Variants in CIITA observed in about 807,000 individuals in gnomAD.
The protein encoded by CIITA is MHC class II transactivator.
CIITA carries 72 observed loss-of-function variants against 115.1 expected under a neutral mutation model. That is an observed-to-expected ratio of 0.63 (90% CI 0.52 to 0.76). CIITA has a LOEUF of 0.76. CIITA is among the 30% of genes least tolerant of loss of function. The pLI, the probability that CIITA is intolerant of heterozygous loss-of-function variation, is 0.00. For missense variants in CIITA, 1,617 were observed against 1,463.8 expected, an observed-to-expected ratio of 1.10 and a Z score of -1.71; for synonymous variants, 763 against 635.6, an observed-to-expected ratio of 1.20 and a Z score of -3.02.
chr16:10,908,912 G>A (rs964053297), intron 11 of CIITA, 117 bp from the exon 12 acceptor site: 16 of 1,443,588 alleles, frequency 1.1e-5, no homozygotes, highest in East Asian at 6.9e-5. Flanking sequence ...GGGAAAGGTA[G>A]AGGTTGAGCT....
rs570628446 is a variant in CIITA at position 10,934,391 on chromosome 16, C to A, written c.*10536C>A. ...TGGAACCAGGAAGTCTAGCTTGATA[C>A]CCTTGGCCTGTATAACTGAGCCTTG... On this transcript the variant is annotated 3_prime_UTR_variant, in exon 20 of 20. Transcript: ENST00000324288. The surrounding 1 kb of genome is among the most constrained non-coding windows in gnomAD (Gnocchi z 4.2). 2.6e-5 allele frequency: 4 copies of A among 152,352 alleles called. No homozygotes were observed. The South Asian group carries it at 8.3e-4, about 32-fold the overall frequency. 9.4% of individuals were successfully genotyped at this position (152,352 alleles called of 1,614,324 possible).
Position 10,918,662 on chromosome 16 carries a change from G to C in CIITA, c.3149+136G>C, listed in dbSNP as rs112764692. 2.5e-4 allele frequency: 179 copies of C among 725,334 alleles called. No individual in the cohort carries two copies. The African/African-American group carries it at 2.8e-3, about 11-fold the overall frequency. 44.9% of individuals were successfully genotyped at this position (725,334 alleles called of 1,614,324 possible). ...ACAGCCCTGAACAAAAGGATTAGCG[G>C]GACGTGGTGAAAGAAACTCTGAGCA... On this transcript the variant is annotated intron_variant, in intron 16 of 19. Transcript: ENST00000324288.
At chr16:10,914,181 C>T (rs1052006777) in intron 13 of CIITA, among the ~76,000 whole-genome samples, 6 of 152,106 alleles carry the variant, frequency 3.9e-5, no homozygotes, top group Non-Finnish European at 7.4e-5. Context: ...AGTAGGCAAG[C>T]GGTCAATATT....
chr16:10,892,787 G>T (rs959423979), intron 1 of CIITA, among the ~76,000 whole-genome samples: 17 of 152,098 alleles, frequency 1.1e-4, no homozygotes, highest in Non-Finnish European at 2.4e-4. Flanking sequence ...ACAAAAATTA[G>T]CTGGTCATGG....
intron 13 of CIITA, among the ~76,000 whole-genome samples, chr16:10,911,380 TTCTC>T (rs376123160): frequency 4.7e-5 from 4 of 85,540 alleles, no homozygotes; most frequent in African/African-American, 1.6e-4. Flanking sequence ...CTTTCTTTCT[TTCTC>T]TCTCTCTCTC....
Position 10,907,545 on chromosome 16 carries a change from G to A in CIITA, c.2053G>A (p.Val685Met), listed in dbSNP as rs148144155. ...GGAGGACCAGTTCCCATCCGCAGAC[G>A]TGAGGACCTGGGCGATGGCCAAAGG... ...LQEDQFPSAD[V>M]RTWAMAKGLV... The change falls in exon 11 of 20, where the codon GTG becomes ATG. Residue 685 changes from valine to methionine, a missense_variant. Val to Met is a conservative substitution (Grantham distance 21). Coordinates refer to ENST00000324288, the MANE Select transcript of CIITA (RefSeq NM_000246.4). This position sits in a 1 kb window ranked among gnomAD's most constrained non-coding sequence, Gnocchi z 5.0. 3.8e-5 allele frequency: 62 copies of A among 1,614,068 alleles called. No homozygotes were observed. The highest frequency in any genetic ancestry group is 4.7e-5 in the Non-Finnish European group (55 of 1,180,046).
At chr16:10,937,676 T>C (rs1275936336), downstream of CIITA, 1 of 152,172 alleles carries the variant, frequency 6.6e-6, no homozygotes, top group African/African-American at 2.4e-5. The surrounding 1 kb of genome is among the most constrained non-coding windows in gnomAD (Gnocchi z 4.2). Context: ...CCGGGACGAA[T>C]AATCCAACTG....
intron 4 of CIITA, 74 bp from the exon 5 acceptor site, chr16:10,898,851 A>G (rs969511007): frequency 6.3e-7 from 1 of 1,589,924 alleles, no homozygotes; most frequent in Non-Finnish European, 8.6e-7. Flanking sequence ...CCTCTCCCCA[A>G]GGTGGGTACA....
intron 4 of CIITA, 39 bp downstream of exon 4, chr16:10,898,771 G>A (rs1417889523): frequency 6.2e-7 from 1 of 1,610,172 alleles, no homozygotes; most frequent in Admixed American, 1.7e-5. Flanking sequence ...GGCTCAGCCT[G>A]CATTTCCTGC....
intron 3 of CIITA, among the ~76,000 whole-genome samples, chr16:10,896,524 G>A (rs2038142916): frequency 1.3e-5 from 2 of 152,136 alleles, no homozygotes; most frequent in South Asian, 4.1e-4. Context: ...TGTTTTTTGG[G>A]GGAGAGACGT....
chr16:10,918,759 C>A (rs1343251621), intron 16 of CIITA, among the ~76,000 whole-genome samples: 3 of 152,224 alleles, frequency 2.0e-5, no homozygotes, highest in African/African-American at 7.2e-5. Context: ...TCTATGTAAG[C>A]ACTTGTCACA....
intron 5 of CIITA, among the ~76,000 whole-genome samples, chr16:10,900,186 G>C (rs569596004): frequency 9.2e-5 from 14 of 152,256 alleles, no homozygotes; most frequent in African/African-American, 3.4e-4. Context: ...TATGTGACCA[G>C]CTTCCTTTTT....
Position 10,906,613 on chromosome 16 carries a change from G to T in CIITA, c.1121G>T (p.Ser374Ile), listed in dbSNP as rs1457019759. 1.2e-6 allele frequency: 2 copies of T among 1,613,860 alleles called. No homozygotes were observed. The highest frequency in any genetic ancestry group is 2.2e-5 in the South Asian group (2 of 91,072). Reference sequence around the variant, plus strand: ...GTGCAGGCCAGGCTGGAGAGGAGCAGCAGCAAGAGCCTGGAGCGGGAACTG... The same window carrying T: ...GTGCAGGCCAGGCTGGAGAGGAGCATCAGCAAGAGCCTGGAGCGGGAACTG... ...DLVQARLERS[S>I]SKSLERELAT... The change falls in exon 11 of 20, where the codon AGC becomes ATC. Residue 374 changes from serine (S) to isoleucine (I), a missense_variant. By Grantham distance (142) the Ser-to-Ile change is moderately radical. Transcript: ENST00000324288.
At chr16:10,898,797 G>A (rs1331101933) in intron 4 of CIITA, 65 bp downstream of exon 4, 2 of 1,604,734 alleles carry the variant, frequency 1.2e-6, no homozygotes, top group Non-Finnish European at 1.7e-6. Context: ...TCCCTGGGGG[G>A]TGCCCTAATA....
At chr16:10,871,246 T>C (rs1203774299) in intron 1 of CIITA, among the ~76,000 whole-genome samples, 3 of 152,220 alleles carry the variant, frequency 2.0e-5, no homozygotes, top group African/African-American at 7.2e-5. Context: ...GGAAGCTGGT[T>C]CTGACTCAGC....
rs1478751096 is a variant in CIITA at position 10,925,041 on chromosome 16, T to C, written c.*1186T>C. ...TCAGCGGGGACAGCTCCTTCTGTCCTACTCTGTGTCAGGTGGGGCAGCTTG... is the reference window on the plus strand; with the variant it reads ...TCAGCGGGGACAGCTCCTTCTGTCCCACTCTGTGTCAGGTGGGGCAGCTTG... On this transcript the variant is annotated 3_prime_UTR_variant, in exon 20 of 20. Transcript: ENST00000324288. The C allele has an allele frequency of 2.0e-5, 3 of 152,308 alleles. No homozygotes were observed. Among genetic ancestry groups the C allele is most frequent in the Non-Finnish European group, 4.4e-5 (3 of 68,082 alleles). The allele number at this position is 152,308 out of a possible 1,614,324, so 9.4% of individuals were successfully genotyped here.
intron 3 of CIITA, 106 bp downstream of exon 3, chr16:10,895,870 C>T: frequency 9.1e-7 from 1 of 1,097,836 alleles, no homozygotes; most frequent in Non-Finnish European, 1.4e-6. Flanking sequence ...TCCCCTCCCA[C>T]AGAAATCATT....
At chr16:10,916,837 T>G in intron 15 of CIITA, 1 of 380,368 alleles carries the variant, frequency 2.6e-6, no homozygotes, top group Non-Finnish European at 4.9e-6. Context: ...CCCAACCATT[T>G]ATTAATTTAA....
chr16:10,916,222 C>G, intron 14 of CIITA, 145 bp from the exon 15 acceptor site: 2 of 753,608 alleles, frequency 2.7e-6, no homozygotes, highest in Admixed American at 2.1e-5. Context: ...CTGAAAAGCT[C>G]AGGAATGTGC....
Sources: gnomAD v4.1 joint callset for allele counts (sites outside exome capture counted in the v4.1 genomes callset) on GRCh38, gnomAD v4.1.1 for gene constraint, Gnocchi (gnomAD v3.1) non-coding constraint, MANE v1.5 for transcripts, NCBI Gene and HGNC (gene_info 2026-07-23, HGNC 2026-07-21) for gene names.